COL26A1: variants seen among roughly 807,000 people sequenced by gnomAD.
COL26A1 encodes collagen type XXVI alpha 1 chain, also known as collagen alpha-1(XXVI) chain.
In COL26A1, 41 loss-of-function variants were observed where a neutral mutation model predicts 59.3. The observed-to-expected ratio is 0.69, with a 90% CI of 0.54 to 0.90. COL26A1 has a LOEUF of 0.90. COL26A1 is among the 40% of genes least tolerant of loss of function. The pLI, the probability that COL26A1 is intolerant of heterozygous loss-of-function variation, is 0.00. For missense variants in COL26A1, 612 were observed against 602.3 expected, an observed-to-expected ratio of 1.02 and a Z score of -0.17; for synonymous variants, 266 against 256.0, an observed-to-expected ratio of 1.04 and a Z score of -0.37.
At chr7:101,489,287 G>A (rs944799072) in intron 3 of COL26A1, among the ~76,000 whole-genome samples, 2 of 152,182 alleles carry the variant, frequency 1.3e-5, no homozygotes, top group African/African-American at 4.8e-5. Flanking sequence ...CCCACATGAA[G>A]TTAGAATATG....
intron 1 of COL26A1, among the ~76,000 whole-genome samples, chr7:101,418,250 C>T (rs1297386693): frequency 6.6e-6 from 1 of 152,104 alleles, no homozygotes; most frequent in Non-Finnish European, 1.5e-5. Flanking sequence ...CCTAACCAAT[C>T]TCTCTGATGG....
intron 1 of COL26A1, among the ~76,000 whole-genome samples, chr7:101,366,474 ATTTTTTTTTTTTTTTTTTTTTTTTTT>A (rs869149636): frequency 2.6e-5 from 2 of 76,276 alleles, no homozygotes; most frequent in Non-Finnish European, 5.8e-5. Flanking sequence ...TTAACGTCTG[ATTTTTTTTTTTTTTTTTTTTTTTTTT>A]TTTTTTTTTT....
chr7:101,463,909 T>C lies in COL26A1; in HGVS notation c.385+16122T>C, dbSNP rs891529777. 5.9e-3 allele frequency among the ~76,000 whole-genome samples: 307 copies of C among 51,712 alleles called. 2 individuals are homozygous for C. Among genetic ancestry groups the C allele is most frequent in the African/African-American group, 0.033 (287 of 8,808 alleles). The allele number at this position is 51,712 out of a possible 152,430, so 33.9% of individuals were successfully genotyped here. ...TCTTTCTTTCTTTCTTTCTTTTTCT[T>C]TCTCTCTTTCTTTCTTCTTTTATTC... On this transcript the variant is annotated intron_variant, in intron 3 of 12. Coordinates refer to ENST00000313669, the MANE Select transcript of COL26A1 (RefSeq NM_001278563.3).
chr7:101,438,307 G>C (rs1792965881), intron 2 of COL26A1, among the ~76,000 whole-genome samples: 2 of 151,576 alleles, frequency 1.3e-5, no homozygotes, highest in Admixed American at 1.3e-4. Context: ...GCTGCAGTGA[G>C]CCGAGATTGT....
intron 3 of COL26A1, among the ~76,000 whole-genome samples, chr7:101,495,410 A>G (rs1298244798): frequency 3.5e-5 from 5 of 142,166 alleles, no homozygotes; most frequent in African/African-American, 1.5e-4. Context: ...CAGCCTGGGG[A>G]ATTTTTTTTT....
chr7:101,466,835 TGTGA>T (rs745691611), intron 3 of COL26A1, among the ~76,000 whole-genome samples: 8 of 81,518 alleles, frequency 9.8e-5, no homozygotes, highest in Non-Finnish European at 2.1e-4. Context: ...TGTGTGTGTG[TGTGA>T]GAGAGAGAGA....
chr7:101,513,167 C>T (rs543829242), intron 3 of COL26A1, among the ~76,000 whole-genome samples: 17 of 151,534 alleles, frequency 1.1e-4, no homozygotes, highest in Middle Eastern at 3.4e-3. Context: ...CCACCACACC[C>T]GGCTAATTTT....
chr7:101,368,090 C>G (rs1791092928), intron 1 of COL26A1, among the ~76,000 whole-genome samples: 1 of 152,130 alleles, frequency 6.6e-6, no homozygotes, highest in Non-Finnish European at 1.5e-5. Flanking sequence ...TGCCTGTGAA[C>G]ATGTTCATCT....
chr7:101,551,962 T>A (rs780507581), intron 10 of COL26A1, among the ~76,000 whole-genome samples: 4 of 152,122 alleles, frequency 2.6e-5, no homozygotes, highest in Non-Finnish European at 5.9e-5. Context: ...TGCTTTATTA[T>A]CCCCGTTTGC....
At chr7:101,381,135 T>C (rs1791438289) in intron 1 of COL26A1, among the ~76,000 whole-genome samples, 1 of 152,212 alleles carries the variant, frequency 6.6e-6, no homozygotes. Flanking sequence ...AAGTCCAAAA[T>C]AGCTCTCACT....
chr7:101,469,051 T>C (rs1793832465), intron 3 of COL26A1, among the ~76,000 whole-genome samples: 1 of 152,216 alleles, frequency 6.6e-6, no homozygotes, highest in Non-Finnish European at 1.5e-5. Flanking sequence ...TTCTATGATC[T>C]GGCAGAGCGC....
At chr7:101,490,872 A>G (rs1203521295) in intron 3 of COL26A1, among the ~76,000 whole-genome samples, 1 of 151,328 alleles carries the variant, frequency 6.6e-6, no homozygotes, top group Non-Finnish European at 1.5e-5. Context: ...GGTGGTGGGC[A>G]CCTGTAATCC....
intron 2 of COL26A1, among the ~76,000 whole-genome samples, chr7:101,438,393 CA>C (rs1405529670): frequency 6.6e-6 from 1 of 151,380 alleles, no homozygotes; most frequent in East Asian, 1.9e-4. Context: ...AAACAAACAA[CA>C]AAAAAGCATC....
intron 3 of COL26A1, among the ~76,000 whole-genome samples, chr7:101,501,808 C>T (rs536786936): frequency 9.9e-5 from 15 of 152,232 alleles, no homozygotes; most frequent in African/African-American, 3.4e-4. Context: ...TGTGTACAAG[C>T]GTGGACTATG....
At chr7:101,540,099 G>GGGCAT in intron 5 of COL26A1, 50 bp downstream of exon 5, 1 of 1,554,630 alleles carries the variant, frequency 6.4e-7, no homozygotes, top group Non-Finnish European at 8.7e-7. Flanking sequence ...AAGGGACCTT[G>GGGCAT]GGCATGGCCT....
At chr7:101,378,437 G>A (rs751689160) in intron 1 of COL26A1, among the ~76,000 whole-genome samples, 9 of 152,050 alleles carry the variant, frequency 5.9e-5, no homozygotes, top group South Asian at 2.1e-4. Context: ...CAGGAGAATC[G>A]CTTGAACCGG....
chr7:101,406,328 T>G (rs1792128309), intron 1 of COL26A1, among the ~76,000 whole-genome samples: 1 of 152,168 alleles, frequency 6.6e-6, no homozygotes, highest in Non-Finnish European at 1.5e-5. Context: ...GAAAAACTGA[T>G]CAGGCCATGG....
In COL26A1 at chr7:101,557,630, C is replaced by G. The variant is rs761420444; in HGVS notation, c.*100C>G. ...AAGATGCCCCCAGGGGAACTGGGCT[C>G]CAGGCATGGATGATTGTGAGGACAT... On this transcript the variant is annotated 3_prime_UTR_variant, in exon 13 of 13. Transcript: ENST00000313669. 177 of 1,233,244 alleles carry G rather than the reference C, an allele frequency of 1.4e-4. No homozygotes were observed. The highest frequency in any genetic ancestry group is 1.8e-4 in the Non-Finnish European group (161 of 899,384). The allele number at this position is 1,233,244 out of a possible 1,614,324, so 76.4% of individuals were successfully genotyped here. A position where few individuals can be genotyped will look rare whatever the true frequency, so the allele number is the denominator to read the frequency against.
At chr7:101,371,120 C>T (rs1338122484) in intron 1 of COL26A1, among the ~76,000 whole-genome samples, 1 of 152,168 alleles carries the variant, frequency 6.6e-6, no homozygotes, top group Non-Finnish European at 1.5e-5. Flanking sequence ...TGAGCCGCTC[C>T]AGGTCAGGCA....
Sources: gnomAD v4.1 joint callset for allele counts (sites outside exome capture counted in the v4.1 genomes callset) on GRCh38, gnomAD v4.1.1 for gene constraint, MANE v1.5 for transcripts, NCBI Gene and HGNC (gene_info 2026-07-23, HGNC 2026-07-21) for gene names.